Variants in ATP6V0A1 observed in about 807,000 individuals in gnomAD.
ATP6V0A1 encodes the protein V-type proton ATPase 116 kDa subunit a 1.
In ATP6V0A1, 43 loss-of-function variants were observed where a neutral mutation model predicts 105.4. That is an observed-to-expected ratio of 0.41 (90% CI 0.32 to 0.53). The LOEUF is 0.53. ATP6V0A1 is among the 20% of genes least tolerant of loss of function. The pLI is 0.30. For missense variants in ATP6V0A1, 676 were observed against 1,051.1 expected, an observed-to-expected ratio of 0.64 and a Z score of 4.93; for synonymous variants, 362 against 372.8, an observed-to-expected ratio of 0.97 and a Z score of 0.33.
chr17:42,494,969 A>C (rs1236083897), intron 12 of ATP6V0A1, 65 bp from the exon 13 acceptor site: 1 of 1,533,452 alleles, frequency 6.5e-7, no homozygotes, highest in African/African-American at 1.4e-5. Context: ...TATATTCTGA[A>C]TAACATTGTC....
chr17:42,469,235 G>A (rs574986790), intron 4 of ATP6V0A1, among the ~76,000 whole-genome samples: 240 of 151,700 alleles, frequency 1.6e-3, no homozygotes, highest in Middle Eastern at 0.014. Flanking sequence ...ATCTGAAATC[G>A]CCTGAGAAAG....
intron 21 of ATP6V0A1, among the ~76,000 whole-genome samples, chr17:42,515,725 T>C (rs1599164290): frequency 6.6e-6 from 1 of 151,886 alleles, no homozygotes; most frequent in Non-Finnish European, 1.5e-5. Flanking sequence ...GAAGTGGAGG[T>C]TGCATTGAGC....
chr17:42,478,218 G>A (rs554075220), intron 6 of ATP6V0A1, among the ~76,000 whole-genome samples: 4 of 126,628 alleles, frequency 3.2e-5, no homozygotes, highest in African/African-American at 1.2e-4. Flanking sequence ...TTGTGGGGTG[G>A]GGGGAGGGGG....
Position 42,487,371 on chromosome 17 carries a change from A to G in ATP6V0A1, c.1023+4A>G, listed in dbSNP as rs200640857. 3.1e-6 allele frequency: 5 copies of G among 1,612,970 alleles called. No homozygotes were observed. In the East Asian group the frequency reaches 1.1e-4, roughly 36 times the overall value. On this transcript the variant is annotated splice_donor_region_variant and intron_variant, in intron 10 of 21. Transcript: ENST00000343619. ...GTTTGCACTCAGAAGGGGCACGGTG[A>G]GTCCCCAAAGCTAACAATGCAGCTC... is the stretch of plus-strand genomic sequence containing the variant.
intron 7 of ATP6V0A1, 150 bp downstream of exon 7, chr17:42,478,739 CT>C (rs780067569): frequency 1.4e-5 from 11 of 789,670 alleles, no homozygotes; most frequent in Non-Finnish European, 1.9e-5. Flanking sequence ...AGTACTTCCT[CT>C]TAGTTAATTC....
chr17:42,503,418 G>T (rs1334170592), intron 17 of ATP6V0A1, among the ~76,000 whole-genome samples: 1 of 152,186 alleles, frequency 6.6e-6, no homozygotes, highest in Admixed American at 6.5e-5. Flanking sequence ...CTGTTCCAGT[G>T]AGACCTCTGC....
At chr17:42,470,468 GT>G (rs1189915748) in intron 5 of ATP6V0A1, 1 of 375,740 alleles carries the variant, frequency 2.7e-6, no homozygotes, top group Non-Finnish European at 5.0e-6. Flanking sequence ...CCCTGAAGTA[GT>G]TGTATAAACA....
At chr17:42,510,017 C>T (rs948743693) in intron 19 of ATP6V0A1, 2 of 151,902 alleles carry the variant, frequency 1.3e-5, no homozygotes, top group African/African-American at 4.9e-5. Flanking sequence ...TCTAGAACTT[C>T]CCCATTTTGC....
At chr17:42,466,556 C>T (rs776894379) in intron 3 of ATP6V0A1, 49 bp downstream of exon 3, 1 of 1,489,248 alleles carries the variant, frequency 6.7e-7, no homozygotes, top group South Asian at 1.1e-5. Context: ...AATCATTTGT[C>T]TTAGATTAGT....
intron 9 of ATP6V0A1, among the ~76,000 whole-genome samples, chr17:42,483,823 C>A (rs973048300): frequency 1.3e-5 from 2 of 152,084 alleles, no homozygotes; most frequent in African/African-American, 4.8e-5. Flanking sequence ...CTCAAGTGAT[C>A]CTCCCACCTT....
chr17:42,483,569 G>A (rs1436150866), intron 9 of ATP6V0A1, among the ~76,000 whole-genome samples: 2 of 151,836 alleles, frequency 1.3e-5, no homozygotes, highest in African/African-American at 2.4e-5. Flanking sequence ...CACCATGCCC[G>A]ACTAATTTTT....
chr17:42,498,438 G>A lies in ATP6V0A1; in HGVS notation c.1561-486G>A, dbSNP rs995240740. ...CAAGATTAAAAAAAAAAATTTTGTCGAAGCAGAGTGATAGGTGCCTGGGAG... is the reference window on the plus strand; with the variant it reads ...CAAGATTAAAAAAAAAAATTTTGTCAAAGCAGAGTGATAGGTGCCTGGGAG... On this transcript the variant is annotated intron_variant, in intron 14 of 21. Transcript: ENST00000343619. 9.7e-4 allele frequency among the ~76,000 whole-genome samples: 147 copies of A among 152,058 alleles called. 1 individual carries two copies. Among genetic ancestry groups the A allele is most frequent in the Non-Finnish European group, 1.1e-3 (77 of 67,996 alleles).
At chr17:42,471,606 C>T (rs942064176) in intron 5 of ATP6V0A1, among the ~76,000 whole-genome samples, 23 of 151,960 alleles carry the variant, frequency 1.5e-4, no homozygotes, top group Admixed American at 2.0e-4. Context: ...TCGTGGTGCA[C>T]ACCTGTAGTT....
chr17:42,467,555 G>A (rs866523585), intron 3 of ATP6V0A1, among the ~76,000 whole-genome samples: 14 of 152,260 alleles, frequency 9.2e-5, no homozygotes, highest in African/African-American at 3.4e-4. Flanking sequence ...TGACCTGATT[G>A]TTTTCAAATT....
intron 8 of ATP6V0A1, 190 bp downstream of exon 8, chr17:42,480,939 G>C (rs991126651): frequency 1.7e-5 from 8 of 474,052 alleles, no homozygotes; most frequent in Non-Finnish European, 2.2e-5. Flanking sequence ...TTGTTGTTCA[G>C]ATGGGGGGGT....
Position 42,470,237 on chromosome 17 carries a change from T to G in ATP6V0A1, c.423+19T>G, listed in dbSNP as rs1364427275. 1 of 1,610,838 alleles carries G rather than the reference T, an allele frequency of 6.2e-7. No individual in the cohort carries two copies. Among genetic ancestry groups the G allele is most frequent in the Non-Finnish European group, 8.5e-7 (1 of 1,178,460 alleles). ...TGATGAGGTCAGACTATTGTTTCTT[T>G]TAGTATTTGAGCAGCTGATATTATA... On this transcript the variant is annotated intron_variant, in intron 5 of 21. Transcript: ENST00000343619.
At chr17:42,508,424 T>C (rs2092157194) in intron 18 of ATP6V0A1, 148 bp from the exon 19 acceptor site, 1 of 875,884 alleles carries the variant, frequency 1.1e-6, no homozygotes, top group Non-Finnish European at 1.8e-6. Flanking sequence ...TTTCGCTTTG[T>C]GTATATGCTG....
intron 2 of ATP6V0A1, among the ~76,000 whole-genome samples, chr17:42,463,287 C>T (rs1237961125): frequency 2.6e-5 from 4 of 152,042 alleles, no homozygotes; most frequent in Admixed American, 1.3e-4. Flanking sequence ...GGATTACAGA[C>T]GTGAGCCACC....
At chr17:42,514,128 C>A in intron 20 of ATP6V0A1, 150 bp downstream of exon 20, 2 of 1,245,790 alleles carry the variant, frequency 1.6e-6, no homozygotes, top group African/African-American at 1.5e-5. Context: ...AGACAGGAGG[C>A]TCAGCACTTG....
Sources: gnomAD v4.1 joint callset for allele counts (sites outside exome capture counted in the v4.1 genomes callset) on GRCh38, gnomAD v4.1.1 for gene constraint, MANE v1.5 for transcripts, NCBI Gene and HGNC (gene_info 2026-07-23, HGNC 2026-07-21) for gene names.